The following MAOA variants were observed in gnomAD, a reference collection of about 807,000 sequenced individuals.
MAOA encodes the protein amine oxidase [flavin-containing] A.
A neutral mutation model predicts 42.0 loss-of-function variants in MAOA; 6 were observed. The ratio of observed to expected loss-of-function variants is 0.14; its 90% CI spans 0.08 to 0.28. MAOA has a LOEUF of 0.28. Among genes scored for constraint, MAOA ranks in the 10% least tolerant of loss-of-function variants. The pLI is 1.00. For synonymous variants in MAOA, 140 were observed against 154.0 expected, an observed-to-expected ratio of 0.91 and a Z score of 0.67; for missense variants, 262 against 422.3, an observed-to-expected ratio of 0.62 and a Z score of 3.33.
intron 5 of MAOA, among the ~76,000 whole-genome samples, chrX:43,718,303 A>T (rs1391437732): frequency 1.9e-5 from 2 of 104,272 alleles, no homozygotes; most frequent in Non-Finnish European, 3.9e-5. Context: ...AGTGGGGGAG[A>T]CAGGGTACAT....
chrX:43,731,523 C>G, intron 7 of MAOA, 133 bp downstream of exon 7: 14 of 863,936 alleles, frequency 1.6e-5, no homozygotes, highest in Non-Finnish European at 2.3e-5. Context: ...AAATTACCAG[C>G]CTTGGTTGAC....
At chrX:43,701,143 T>C (rs1282060574) in intron 3 of MAOA, among the ~76,000 whole-genome samples, 1 of 111,981 alleles carries the variant, frequency 8.9e-6, no homozygotes, top group Non-Finnish European at 1.9e-5. Context: ...AAAAATAGTT[T>C]TTAGTAACTT....
intron 1 of MAOA, among the ~76,000 whole-genome samples, chrX:43,673,537 T>C (rs1319382751): frequency 1.8e-5 from 2 of 109,375 alleles, no homozygotes; most frequent in Admixed American, 9.8e-5. Flanking sequence ...ATTGTGATGT[T>C]AGGGTGTCAA....
At chrX:43,671,280 G>A (rs1162292467) in intron 1 of MAOA, among the ~76,000 whole-genome samples, 1 of 106,648 alleles carries the variant, frequency 9.4e-6, no homozygotes, top group Non-Finnish European at 1.9e-5. Context: ...CCCACTTTTT[G>A]ATGGGGTTGT....
intron 5 of MAOA, among the ~76,000 whole-genome samples, chrX:43,726,770 T>A (rs1233349200): frequency 8.9e-6 from 1 of 112,240 alleles, no homozygotes; most frequent in African/African-American, 3.2e-5. Flanking sequence ...GTTTTTGGAA[T>A]TTTTCAGCCT....
rs62589711 is a variant in MAOA, at chrX:43,669,993, G to A, written c.74-13520G>A. Among the ~76,000 whole-genome samples the A allele has an allele frequency of 7.2e-3, 799 of 111,498 alleles. 1 individual carries two copies. The highest frequency in any genetic ancestry group is 0.013 in the Non-Finnish European group (676 of 53,068). ...TTAAGGATTGAGACAAAACCATGAGGCTTAGAAAAAAGGAGGTCATCAGTG... is the reference window on the plus strand; with the variant it reads ...TTAAGGATTGAGACAAAACCATGAGACTTAGAAAAAAGGAGGTCATCAGTG... On this transcript the variant is annotated intron_variant, in intron 1 of 14. Transcript: ENST00000338702.
intron 1 of MAOA, among the ~76,000 whole-genome samples, chrX:43,661,678 G>C (rs772819661): frequency 8.9e-6 from 1 of 111,746 alleles, no homozygotes; most frequent in Non-Finnish European, 1.9e-5. Flanking sequence ...TCCTGTGTGA[G>C]CTGTGAATGG....
At chrX:43,727,163 T>C (rs1371346623) in intron 5 of MAOA, among the ~76,000 whole-genome samples, 1 of 111,963 alleles carries the variant, frequency 8.9e-6, no homozygotes, top group Admixed American at 9.4e-5. Flanking sequence ...CGGGGCCCAC[T>C]TGAGGCAGTC....
intron 7 of MAOA, 115 bp from the exon 8 acceptor site, chrX:43,731,578 AT>A: frequency 1.1e-6 from 1 of 917,456 alleles, no homozygotes; most frequent in Non-Finnish European, 1.6e-6. Flanking sequence ...TCATTTTCTC[AT>A]TTTGTATGTT....
At chrX:43,700,187 A>G (rs186482977) in intron 3 of MAOA, among the ~76,000 whole-genome samples, 3 of 111,891 alleles carry the variant, frequency 2.7e-5, no homozygotes, top group East Asian at 2.8e-4. Context: ...GAGCTTCCCA[A>G]TGGTCCTCAG....
chrX:43,722,040 A>G (rs1270202220), intron 5 of MAOA, among the ~76,000 whole-genome samples: 1 of 111,755 alleles, frequency 8.9e-6, no homozygotes, highest in African/African-American at 3.3e-5. Flanking sequence ...TTATGGCTGC[A>G]TAGTATTCCA....
At chrX:43,702,337 G>A in intron 3 of MAOA, among the ~76,000 whole-genome samples, 1 of 112,051 alleles carries the variant, frequency 8.9e-6, no homozygotes, top group South Asian at 3.7e-4. Flanking sequence ...TTAGAGATAA[G>A]AGAAAGTTAT....
At chrX:43,687,757 G>A (rs2033498526) in intron 2 of MAOA, among the ~76,000 whole-genome samples, 1 of 112,555 alleles carries the variant, frequency 8.9e-6, no homozygotes, top group African/African-American at 3.2e-5. Flanking sequence ...TGTTCCAGCT[G>A]CCCATGTTAG....
At chrX:43,704,574 G>A (rs1253951633) in intron 3 of MAOA, among the ~76,000 whole-genome samples, 1 of 110,830 alleles carries the variant, frequency 9.0e-6, no homozygotes, top group African/African-American at 3.3e-5. Flanking sequence ...TCTAAAATCA[G>A]GAGCAAGACA....
At chrX:43,742,148 C>T in intron 12 of MAOA, 101 bp downstream of exon 12, 3 of 1,138,155 alleles carry the variant, frequency 2.6e-6, no homozygotes, top group East Asian at 3.1e-5. Context: ...TCAAAATCCC[C>T]ATTTCTTATG....
chrX:43,678,781 A>G (rs1320186749), intron 1 of MAOA, among the ~76,000 whole-genome samples: 2 of 112,158 alleles, frequency 1.8e-5, no homozygotes, highest in African/African-American at 3.2e-5. Context: ...TTATTACATT[A>G]CAAAAGATTT....
intron 1 of MAOA, among the ~76,000 whole-genome samples, chrX:43,681,879 TA>T (rs201665076): frequency 0.015 from 535 of 35,344 alleles, 5 homozygotes; most frequent in Middle Eastern, 0.042. Flanking sequence ...TATATATATA[TA>T]TTTTTTTTTT....
Position 43,745,864 on chromosome X carries a change from G to A in MAOA, c.*1351G>A, listed in dbSNP as rs1419824088. On this transcript the variant is annotated 3_prime_UTR_variant, in exon 15 of 15. Transcript: ENST00000338702. The stretch of plus-strand genomic sequence containing the variant: ...TTTTATTTAAGGGGAATTAACAATT[G>A]CCAGGGAAACCAGCCAACCCAAGTT... The A allele has an allele frequency of 9.0e-6, 1 of 111,550 alleles. No individual in the cohort carries two copies. Among genetic ancestry groups the A allele is most frequent in the African/African-American group, 3.3e-5 (1 of 30,668 alleles). 9.2% of individuals were successfully genotyped at this position (111,550 alleles called of 1,213,427 possible).
intron 1 of MAOA, among the ~76,000 whole-genome samples, chrX:43,678,017 C>G (rs2033414524): frequency 8.9e-6 from 1 of 112,116 alleles, no homozygotes; most frequent in Non-Finnish European, 1.9e-5. Flanking sequence ...GGCTCCACAT[C>G]TCCTACATCC....
Sources: allele counts gnomAD v4.1 joint callset (sites outside exome capture counted in the v4.1 genomes callset), GRCh38; gene constraint gnomAD v4.1.1; transcripts MANE v1.5; gene names NCBI Gene and HGNC (gene_info 2026-07-23, HGNC 2026-07-21).